The following FBXO21 variants were observed in gnomAD, a reference collection of about 807,000 sequenced individuals.
The protein encoded by FBXO21 is F-box protein 21, also known as F-box only protein 21.
Under a neutral mutation model 76.6 loss-of-function variants are expected in FBXO21, and 32 were observed. That is an observed-to-expected ratio of 0.42 (90% CI 0.32 to 0.56). FBXO21 has a LOEUF of 0.56. FBXO21 is among the 20% of genes least tolerant of loss of function. FBXO21 has a pLI of 0.16. For missense variants in FBXO21, 586 were observed against 797.3 expected (o/e 0.73, Z 3.19); for synonymous variants, 328 against 311.5 (o/e 1.05, Z -0.56).
At chr12:117,183,587 A>G (rs1174561003) in intron 3 of FBXO21, among the ~76,000 whole-genome samples, 1 of 152,186 alleles carries the variant, frequency 6.6e-6, no homozygotes, top group East Asian at 1.9e-4. Context: ...TAGTGTATTA[A>G]AAGTTTTCCG....
chr12:117,166,969 T>G lies in FBXO21; in HGVS notation c.1122A>C (p.Ala374=). Residue 374 remains alanine (A), a synonymous_variant, in exon 8 of 12, where the codon GCA becomes GCC. Coordinates refer to ENST00000622495, the MANE Select transcript of FBXO21 (RefSeq NM_015002.3). ...TCTTGACATTGACCACCCCATACAG[T>G]GCTGCAGTCACGTGCTGGCCGATCA... is the stretch of plus-strand genomic sequence containing the variant. ...EYLIGQHVTA[A]LYGVVNVKKV... is the part of the protein sequence containing the mutation. The G allele has an allele frequency of 6.2e-7, 1 of 1,614,170 alleles. No homozygotes were observed. The highest frequency in any genetic ancestry group is 8.5e-7 in the Non-Finnish European group (1 of 1,180,018).
In FBXO21 at chr12:117,177,653, AAGTC is replaced by A. The variant is rs1229640266; in HGVS notation, c.471-16_471-13del. On this transcript the variant is annotated splice_polypyrimidine_tract_variant and intron_variant, in intron 3 of 11. Coordinates refer to ENST00000622495, the MANE Select transcript of FBXO21 (RefSeq NM_015002.3). ...AGGTCAAAGCTTTTCTGGAAACAAA[AAGTC>A]AGTAAGAATTAAGATTTGAAAACTT... The A allele has an allele frequency of 5.6e-6, 9 of 1,611,084 alleles. No individual in the cohort carries two copies. The highest frequency in any genetic ancestry group is 5.5e-5 in the South Asian group (5 of 90,642).
intron 3 of FBXO21, among the ~76,000 whole-genome samples, chr12:117,185,663 AAAAG>A (rs1462707344): frequency 1.3e-5 from 2 of 152,258 alleles, no homozygotes; most frequent in Non-Finnish European, 1.5e-5. Flanking sequence ...ACTGGAAGAT[AAAAG>A]AAAGGCTCAC....
intron 1 of FBXO21, among the ~76,000 whole-genome samples, 180 bp from the exon 2 acceptor site, chr12:117,189,542 G>A (rs565679822): frequency 9.2e-5 from 14 of 152,212 alleles, no homozygotes; most frequent in African/African-American, 2.9e-4. Flanking sequence ...TGACCTTGGC[G>A]TAGCGGCATG....
At chr12:117,163,852 G>A (rs1367057376) in intron 9 of FBXO21, among the ~76,000 whole-genome samples, 1 of 152,058 alleles carries the variant, frequency 6.6e-6, no homozygotes. Context: ...GCTAAGGCAG[G>A]GGAATTGCTT....
intron 2 of FBXO21, among the ~76,000 whole-genome samples, 163 bp from the exon 3 acceptor site, chr12:117,186,734 G>T (rs372473729): frequency 3.2e-4 from 29 of 91,446 alleles, no homozygotes; most frequent in Admixed American, 1.1e-3. Context: ...ATAACATAAA[G>T]TAACAATAAT....
At chr12:117,160,493 C>T (rs1180269224) in intron 9 of FBXO21, among the ~76,000 whole-genome samples, 1 of 152,186 alleles carries the variant, frequency 6.6e-6, no homozygotes, top group Non-Finnish European at 1.5e-5. Context: ...GCATCATACC[C>T]CACACAAAAC....
intron 8 of FBXO21, 29 bp from the exon 9 acceptor site, chr12:117,165,646 A>G: frequency 6.5e-7 from 1 of 1,542,864 alleles, no homozygotes. Flanking sequence ...TGTTTGTCTC[A>G]TCCTGCTTGT....
chr12:117,155,885 G>C lies in FBXO21; in HGVS notation c.1581C>G (p.Ile527Met). 6.2e-7 allele frequency: 1 copy of C among 1,614,204 alleles called. No homozygotes were observed. Among genetic ancestry groups the C allele is most frequent in the Non-Finnish European group, 8.5e-7 (1 of 1,180,026 alleles). Reference sequence around the variant, plus strand: ...GCAGGCTGTGGACGTTCATGTTCCGGATCCACTCGTGTCCCATCATGCAGG... The same window carrying C: ...GCAGGCTGTGGACGTTCATGTTCCGCATCCACTCGTGTCCCATCATGCAGG... ...DPTCMMGHEW[I>M]RNMNVHSLPH... Residue 527 changes from isoleucine to methionine, a missense_variant, in exon 11 of 12, where the codon ATC becomes ATG. This residue lies in a region of FBXO21 where 164 missense variants were observed against 236.7 expected (regional missense o/e 0.69). Transcript: ENST00000622495.
intron 3 of FBXO21, among the ~76,000 whole-genome samples, chr12:117,178,552 T>C (rs998869497): frequency 2.6e-5 from 4 of 152,064 alleles, no homozygotes; most frequent in African/African-American, 9.7e-5. Context: ...AAAAGGTCTC[T>C]TGAACTCTCG....
intron 3 of FBXO21, among the ~76,000 whole-genome samples, chr12:117,185,497 AC>A (rs1956273077): frequency 1.3e-5 from 2 of 152,380 alleles, no homozygotes. Flanking sequence ...AGTCTTTTCC[AC>A]AGGAAAGTTA....
intron 9 of FBXO21, among the ~76,000 whole-genome samples, chr12:117,163,702 G>C (rs1191865384): frequency 6.6e-6 from 1 of 152,136 alleles, no homozygotes; most frequent in African/African-American, 2.4e-5. Flanking sequence ...CAGCACTTTG[G>C]GAGGCCGAGG....
At chr12:117,150,714 G>A (rs1174848916) in intron 11 of FBXO21, among the ~76,000 whole-genome samples, 2 of 152,214 alleles carry the variant, frequency 1.3e-5, no homozygotes, top group Non-Finnish European at 2.9e-5. Flanking sequence ...GAACTGCTAG[G>A]CTGGAAGAGA....
chr12:117,170,528 C>A (rs779908583), intron 7 of FBXO21, among the ~76,000 whole-genome samples: 1 of 152,062 alleles, frequency 6.6e-6, no homozygotes, highest in African/African-American at 2.4e-5. Flanking sequence ...GGTACAGGGA[C>A]AGAGAAAAGT....
At position 117,144,263 on chromosome 12, in the gene FBXO21, T is replaced by G. The variant is rs966744102; in HGVS notation, c.*1824A>C. 1.3e-5 allele frequency: 2 copies of G among 152,236 alleles called. No homozygotes were observed. The highest frequency in any genetic ancestry group is 2.9e-5 in the Non-Finnish European group (2 of 68,042). The allele number at this position is 152,236 out of a possible 1,614,324, so 9.4% of individuals were successfully genotyped here. On this transcript the variant is annotated 3_prime_UTR_variant, in exon 12 of 12. Transcript: ENST00000622495. The stretch of plus-strand genomic sequence containing the variant: ...ATTCATATTAATTAATTCCGTATTA[T>G]CAAACTTTCCCCTTTAAATGAAAGT...
At chr12:117,176,467 A>G (rs1956174822) in intron 4 of FBXO21, among the ~76,000 whole-genome samples, 1 of 152,248 alleles carries the variant, frequency 6.6e-6, no homozygotes. Context: ...GGACCAGATT[A>G]TGCAGGGCAT....
At chr12:117,163,146 C>G (rs1956004219) in intron 9 of FBXO21, among the ~76,000 whole-genome samples, 2 of 152,232 alleles carry the variant, frequency 1.3e-5, no homozygotes, top group South Asian at 4.1e-4. Flanking sequence ...GAGATGGACT[C>G]CAGCAGCAAA....
Position 117,155,904 on chromosome 12 carries a change from A to G in FBXO21, c.1562T>C (p.Met521Thr), listed in dbSNP as rs1955910388. 2 of 1,614,060 alleles carry G rather than the reference A, an allele frequency of 1.2e-6. No individual in the cohort carries two copies. ...GTTCCGGATCCACTCGTGTCCCATC[A>G]TGCAGGTGGGGTCCCAGCCGTAGAT... is the stretch of plus-strand genomic sequence containing the variant. The part of the protein sequence containing the change: ...CVIYGWDPTC[M>T]MGHEWIRNMN... Residue 521 changes from methionine to threonine, a missense_variant, in exon 11 of 12, where the codon ATG (methionine) becomes ACG (threonine). By Grantham distance (81) the Met-to-Thr change is moderately conservative. Around this residue, in one of 6 missense-constraint regions of FBXO21, gnomAD observed 164 missense variants for 236.7 expected, o/e 0.69. Coordinates refer to ENST00000622495, the MANE Select transcript of FBXO21 (RefSeq NM_015002.3).
At position 117,144,256 on chromosome 12, in the gene FBXO21, C is replaced by T. The variant is rs1388048084; in HGVS notation, c.*1831G>A. On this transcript the variant is annotated 3_prime_UTR_variant, in exon 12 of 12. Transcript: ENST00000622495. The stretch of plus-strand genomic sequence containing the variant: ...GCATCTCATTCATATTAATTAATTC[C>T]GTATTATCAAACTTTCCCCTTTAAA... 2 of 152,196 alleles carry T rather than the reference C, an allele frequency of 1.3e-5. No individual in the cohort carries two copies. Among genetic ancestry groups the T allele is most frequent in the African/African-American group, 2.4e-5 (1 of 41,452 alleles). The allele number at this position is 152,196 out of a possible 1,614,324, so 9.4% of individuals were successfully genotyped here.
Sources: allele counts gnomAD v4.1 joint callset (sites outside exome capture counted in the v4.1 genomes callset), GRCh38; gene constraint gnomAD v4.1.1; regional missense constraint gnomAD v4.1.1; transcripts MANE v1.5; gene names NCBI Gene and HGNC (gene_info 2026-07-23, HGNC 2026-07-21).